ABLIM1: variants seen among roughly 807,000 people sequenced by gnomAD.
ABLIM1 encodes actin-binding LIM protein 1.
ABLIM1 carries 40 observed loss-of-function variants against 107.0 expected under a neutral mutation model. The ratio of observed to expected loss-of-function variants is 0.37; its 90% CI spans 0.29 to 0.49. The LOEUF (loss-of-function observed/expected upper bound fraction) is 0.49, where lower values mean the gene tolerates loss of function less well. Among genes scored for constraint, ABLIM1 ranks in the 20% least tolerant of loss-of-function variants. The pLI, the probability that ABLIM1 is intolerant of heterozygous loss-of-function variation, is 0.97. For synonymous variants in ABLIM1, 357 were observed against 357.3 expected (o/e 1.00, Z 0.01); for missense variants, 857 against 1,008.5 (o/e 0.85, Z 2.04).
intron 6 of ABLIM1, among the ~76,000 whole-genome samples, chr10:114,536,785 T>C (rs537169077): frequency 2.0e-5 from 3 of 152,306 alleles, no homozygotes; most frequent in East Asian, 3.9e-4. Context: ...TGACTGTCCA[T>C]TGAGCTGCAG....
intron 7 of ABLIM1, among the ~76,000 whole-genome samples, chr10:114,491,012 G>GTGTGTGTATATATATATATATA: frequency 4.1e-4 from 38 of 92,366 alleles, no homozygotes; most frequent in African/African-American, 1.5e-3. Context: ...GTGTGTGTGT[G>GTGTGTGTATATATATATATATA]TATATATATA....
intron 1 of ABLIM1, among the ~76,000 whole-genome samples, chr10:114,664,882 G>T (rs576146355): frequency 1.7e-4 from 26 of 150,734 alleles, no homozygotes; most frequent in African/African-American, 5.8e-4. Flanking sequence ...ACTTTGGGAG[G>T]CCGAGGCGGG....
chr10:114,758,516 A>G (rs1161678696), intron 1 of ABLIM1, among the ~76,000 whole-genome samples: 2 of 151,566 alleles, frequency 1.3e-5, no homozygotes, highest in East Asian at 3.9e-4. Flanking sequence ...CCAACCCCAA[A>G]CCTCTTTTCT....
intron 11 of ABLIM1, 120 bp downstream of exon 11, chr10:114,468,061 C>T: frequency 1.2e-6 from 1 of 863,752 alleles, no homozygotes; most frequent in South Asian, 1.5e-5. Context: ...ACCATAACCC[C>T]ACATGCAGTT....
intron 1 of ABLIM1, among the ~76,000 whole-genome samples, chr10:114,735,514 G>A (rs2082160751): frequency 6.6e-6 from 1 of 152,190 alleles, no homozygotes; most frequent in South Asian, 2.1e-4. Context: ...TCTGTCACCA[G>A]GCTGGAGTGC....
chr10:114,615,613 G>A, intron 1 of ABLIM1: 1 of 456,908 alleles, frequency 2.2e-6, no homozygotes, highest in Non-Finnish European at 4.4e-6. Flanking sequence ...CTCTATAAAT[G>A]CATGTTCAAT....
At chr10:114,617,211 A>G (rs1388816295) in intron 1 of ABLIM1, among the ~76,000 whole-genome samples, 1 of 150,484 alleles carries the variant, frequency 6.6e-6, no homozygotes, top group Non-Finnish European at 1.5e-5. Flanking sequence ...GCAGTTGAAC[A>G]CTGTCTCTCT....
At chr10:114,584,415 C>T (rs1362130216) in intron 2 of ABLIM1, among the ~76,000 whole-genome samples, 1 of 152,186 alleles carries the variant, frequency 6.6e-6, no homozygotes, top group Non-Finnish European at 1.5e-5. Flanking sequence ...TAGACTATGA[C>T]ACAATGTCTT....
intron 1 of ABLIM1, among the ~76,000 whole-genome samples, chr10:114,678,569 C>T (rs964954551): frequency 6.6e-5 from 10 of 152,162 alleles, no homozygotes; most frequent in African/African-American, 2.4e-4. Flanking sequence ...GTATTGTCTA[C>T]GGCTGCTTTT....
chr10:114,799,911 G>A, the ABLIM1 span, among the ~76,000 whole-genome samples: 2 of 152,112 alleles, frequency 1.3e-5, no homozygotes, highest in African/African-American at 4.8e-5. Flanking sequence ...GAGTAGCTGG[G>A]AATACAGGCA....
intron 1 of ABLIM1, among the ~76,000 whole-genome samples, chr10:114,732,099 CT>C (rs35870357): frequency 6.6e-6 from 1 of 150,508 alleles, no homozygotes. Flanking sequence ...TATTCTCTGT[CT>C]TTTTTTTATT....
At chr10:114,547,627 C>G in intron 5 of ABLIM1, 23 bp downstream of exon 5, 1 of 1,612,620 alleles carries the variant, frequency 6.2e-7, no homozygotes, top group Non-Finnish European at 8.5e-7. Flanking sequence ...CTGAAAGGAA[C>G]GCGTGCCCGC....
rs1350805150 is a variant in ABLIM1, at chr10:114,658,158, T to C, written c.43A>G (p.Ser15Gly). The part of the protein sequence containing the change: ...LGLKCLGKLC[S>G]SEKSKVTSSE... ...GAGGTGACTTTGCTTTTCTCAGAGC[T>C]GCACAATTTCCCCAGACACTTTAGA... is the stretch of plus-strand genomic sequence containing the variant. The change falls in exon 1 of 23, where the codon AGC (serine) becomes GGC (glycine). Residue 15 changes from serine to glycine, a missense_variant. Ser to Gly is a moderately conservative substitution (Grantham distance 56). Transcript: ENST00000533213. 6.2e-7 allele frequency: 1 copy of C among 1,613,694 alleles called. No homozygotes were observed. The highest frequency in any genetic ancestry group is 1.7e-5 in the Admixed American group (1 of 60,006).
At chr10:114,660,403 C>G (rs1041046536), upstream of ABLIM1, among the ~76,000 whole-genome samples, 1 of 151,340 alleles carries the variant, frequency 6.6e-6, no homozygotes, top group African/African-American at 2.4e-5. Context: ...ACAGAACTTA[C>G]CCATGTCATC....
chr10:114,708,175 GC>G (rs1307014264), intron 1 of ABLIM1, among the ~76,000 whole-genome samples: 2 of 152,134 alleles, frequency 1.3e-5, no homozygotes, highest in African/African-American at 2.4e-5. Context: ...TGAAATGCAT[GC>G]CGAGCTACCT....
At chr10:114,723,521 A>C (rs1264383512) in intron 1 of ABLIM1, among the ~76,000 whole-genome samples, 1 of 152,210 alleles carries the variant, frequency 6.6e-6, no homozygotes. Context: ...GCTGAGGGGA[A>C]AGGGCAGAAT....
chr10:114,485,404 G>A, intron 8 of ABLIM1: 1 of 1,591,812 alleles, frequency 6.3e-7, no homozygotes, highest in Non-Finnish European at 8.6e-7. Context: ...TGAGAAAAGG[G>A]AAGAACGAAC....
intron 1 of ABLIM1, among the ~76,000 whole-genome samples, chr10:114,763,317 T>C (rs1167627435): frequency 6.6e-6 from 1 of 152,216 alleles, no homozygotes; most frequent in African/African-American, 2.4e-5. Context: ...CTGTTTGAAT[T>C]TAAACATACT....
chr10:114,642,942 CT>C lies in ABLIM1; in HGVS notation c.244+15014del, dbSNP rs1393574611. On this transcript the variant is annotated intron_variant, in intron 1 of 22. Transcript: ENST00000533213. ...TACACCTGCCAAAATGTCCGAGAACCTGCCAAAAGAACCAAGAAACTTACAC... is the reference window on the plus strand; with the variant it reads ...TACACCTGCCAAAATGTCCGAGAACCGCCAAAAGAACCAAGAAACTTACAC... Among the ~76,000 whole-genome samples, 6 of 152,226 alleles carry C rather than the reference CT, an allele frequency of 3.9e-5. No individual in the cohort carries two copies. The Middle Eastern group carries it at 0.014, about 345-fold the overall frequency.
Sources: gnomAD v4.1 joint callset for allele counts (sites outside exome capture counted in the v4.1 genomes callset) on GRCh38, gnomAD v4.1.1 for gene constraint, MANE v1.5 for transcripts, NCBI Gene and HGNC (gene_info 2026-07-23, HGNC 2026-07-21) for gene names.